The following DIAPH3 variants were observed in gnomAD, a reference collection of about 807,000 sequenced individuals.
DIAPH3 encodes protein diaphanous homolog 3.
A neutral mutation model predicts 144.3 loss-of-function variants in DIAPH3; 117 were observed. That is an observed-to-expected ratio of 0.81 (90% CI 0.70 to 0.95). The LOEUF (loss-of-function observed/expected upper bound fraction) is 0.95. DIAPH3 is among the 40% of genes least tolerant of loss of function. The pLI is 0.00. For synonymous variants in DIAPH3, 519 were observed against 488.9 expected (o/e 1.06, Z -0.81); for missense variants, 1,421 against 1,412.7 (o/e 1.01, Z -0.09).
chr13:59,732,512 G>A (rs1755248053), intron 27 of DIAPH3, among the ~76,000 whole-genome samples: 1 of 151,512 alleles, frequency 6.6e-6, no homozygotes. Flanking sequence ...GGCAATCACA[G>A]CTCACTGCAG....
intron 2 of DIAPH3, among the ~76,000 whole-genome samples, chr13:60,128,112 C>T (rs1184856471): frequency 6.6e-6 from 1 of 152,082 alleles, no homozygotes; most frequent in Non-Finnish European, 1.5e-5. Flanking sequence ...TCTTTGTGTC[C>T]ATGTGTTCTC....
At chr13:59,926,465 A>C (rs1044316833) in intron 17 of DIAPH3, among the ~76,000 whole-genome samples, 1 of 152,058 alleles carries the variant, frequency 6.6e-6, no homozygotes, top group South Asian at 2.1e-4. Flanking sequence ...CTTCCCTCCT[A>C]GTACTGTTTG....
Position 59,810,924 on chromosome 13 carries a change from C to T in DIAPH3, c.3028-1G>A, listed in dbSNP as rs1168303988. 2 of 1,154,976 alleles carry T rather than the reference C, an allele frequency of 1.7e-6. No homozygotes were observed. Among genetic ancestry groups the T allele is most frequent in the Non-Finnish European group, 2.3e-6 (2 of 863,982 alleles). 71.5% of individuals were successfully genotyped at this position (1,154,976 alleles called of 1,614,324 possible). ...TTTTGATATTCTCCTTTATTGCTTG[C>T]TAAAAAAATTTTGAAAAATGATCAA... On this transcript the variant is annotated splice_acceptor_variant, in intron 24 of 27. Coordinates refer to ENST00000400324, the MANE Select transcript of DIAPH3 (RefSeq NM_001042517.2). LOFTEE classifies it high-confidence loss of function.
chr13:59,747,209 T>C (rs777442384), intron 27 of DIAPH3, among the ~76,000 whole-genome samples: 1 of 151,820 alleles, frequency 6.6e-6, no homozygotes, highest in Admixed American at 6.6e-5. Context: ...GAAAAAAAAA[T>C]TCAGTATTAT....
intron 9 of DIAPH3, 130 bp downstream of exon 9, chr13:60,008,414 A>G (rs1265398481): frequency 1.5e-6 from 1 of 648,628 alleles, no homozygotes; most frequent in Admixed American, 3.0e-5. Flanking sequence ...AAATAAATAA[A>G]TAATGCTATA....
At chr13:60,036,462 G>A (rs1390731628) in intron 5 of DIAPH3, among the ~76,000 whole-genome samples, 2 of 151,410 alleles carry the variant, frequency 1.3e-5, no homozygotes, top group Non-Finnish European at 2.9e-5. Context: ...AATTTAAATA[G>A]CCACAGGCAG....
intron 24 of DIAPH3, among the ~76,000 whole-genome samples, chr13:59,814,841 T>C (rs2040679857): frequency 6.6e-6 from 1 of 152,202 alleles, no homozygotes; most frequent in East Asian, 1.9e-4. Flanking sequence ...TGCAACCCCC[T>C]TACCCTCCAA....
intron 3 of DIAPH3, 50 bp from the exon 4 acceptor site, chr13:60,093,782 A>C (rs1261675988): frequency 6.1e-6 from 7 of 1,149,018 alleles, no homozygotes; most frequent in Non-Finnish European, 7.9e-6. Flanking sequence ...GTAGAGCAGC[A>C]ATTCTACATG....
chr13:59,967,392 A>C (rs1198428563), intron 17 of DIAPH3, among the ~76,000 whole-genome samples: 1 of 152,060 alleles, frequency 6.6e-6, no homozygotes, highest in African/African-American at 2.4e-5. Context: ...TGAATTCTGC[A>C]GCAATTACAA....
At chr13:60,064,957 G>A (rs1361722250) in intron 4 of DIAPH3, among the ~76,000 whole-genome samples, 2 of 152,102 alleles carry the variant, frequency 1.3e-5, no homozygotes, top group Non-Finnish European at 2.9e-5. Context: ...GGCCCAAGGA[G>A]AGGAAGAGAA....
At position 60,080,725 on chromosome 13, in the gene DIAPH3, G is replaced by A. The variant is rs190378906; in HGVS notation, c.495+12903C>T. ...AAATGAATTATAGGCACAAAAGGTA[G>A]ACAAACTAATCAGCAGACAAATGAA... On this transcript the variant is annotated intron_variant, in intron 4 of 27. Coordinates refer to ENST00000400324, the MANE Select transcript of DIAPH3 (RefSeq NM_001042517.2). Among the ~76,000 whole-genome samples the A allele has an allele frequency of 4.3e-3, 661 of 151,968 alleles. 5 individuals carry two copies. The highest frequency in any genetic ancestry group is 7.2e-3 in the Admixed American group (110 of 15,248).
intron 27 of DIAPH3, among the ~76,000 whole-genome samples, chr13:59,728,066 CAAAAA>C (rs35223359): frequency 6.8e-6 from 1 of 147,918 alleles, no homozygotes; most frequent in Non-Finnish European, 1.5e-5. Context: ...GACAGGGCAT[CAAAAA>C]AAAAAACAGG....
intron 9 of DIAPH3, among the ~76,000 whole-genome samples, chr13:59,992,896 T>C (rs2051931286): frequency 7.0e-6 from 1 of 143,444 alleles, no homozygotes; most frequent in Non-Finnish European, 1.5e-5. Flanking sequence ...TCTTGTCCAA[T>C]AATATCACTC....
intron 27 of DIAPH3, among the ~76,000 whole-genome samples, chr13:59,768,518 ACT>A (rs1306513501): frequency 6.6e-6 from 1 of 151,988 alleles, no homozygotes; most frequent in Non-Finnish European, 1.5e-5. Flanking sequence ...CTAAAGACAA[ACT>A]CTTGCTGTTT....
chr13:60,133,121 A>G (rs2059184637), intron 1 of DIAPH3, 132 bp from the exon 2 acceptor site: 4 of 631,346 alleles, frequency 6.3e-6, no homozygotes, highest in African/African-American at 5.5e-5. Flanking sequence ...ATAAAAACAC[A>G]TTATATATAA....
intron 27 of DIAPH3, among the ~76,000 whole-genome samples, chr13:59,683,790 T>C (rs1289874120): frequency 6.6e-6 from 1 of 152,204 alleles, no homozygotes; most frequent in Non-Finnish European, 1.5e-5. Flanking sequence ...TTGTTGTCAA[T>C]GCTATACTAA....
intron 17 of DIAPH3, among the ~76,000 whole-genome samples, chr13:59,939,475 C>A (rs1283126487): frequency 1.3e-5 from 2 of 152,146 alleles, no homozygotes; most frequent in African/African-American, 4.8e-5. Context: ...CCAGGGCAGA[C>A]TTTTACATGA....
At chr13:59,980,331 G>T (rs998307543) in intron 14 of DIAPH3, among the ~76,000 whole-genome samples, 4 of 151,202 alleles carry the variant, frequency 2.6e-5, no homozygotes, top group African/African-American at 9.7e-5. Flanking sequence ...CATTCTTAAG[G>T]GCTTAATATC....
intron 2 of DIAPH3, among the ~76,000 whole-genome samples, chr13:60,113,351 G>A (rs1023314723): frequency 2.0e-5 from 3 of 151,922 alleles, no homozygotes; most frequent in African/African-American, 4.8e-5. Flanking sequence ...CAATTCAAAA[G>A]GACAATTAAG....
Sources: allele counts gnomAD v4.1 joint callset (sites outside exome capture counted in the v4.1 genomes callset), GRCh38; gene constraint gnomAD v4.1.1; transcripts MANE v1.5; gene names NCBI Gene and HGNC (gene_info 2026-07-23, HGNC 2026-07-21).